The following LPP variants were observed in gnomAD, a reference collection of about 807,000 sequenced individuals.
The protein encoded by LPP is lipoma-preferred partner.
A neutral mutation model predicts 60.4 loss-of-function variants in LPP; 38 were observed. That is an observed-to-expected ratio of 0.63 (90% CI 0.49 to 0.83). LPP has a LOEUF of 0.83. LPP is among the 40% of genes least tolerant of loss of function. The pLI is 0.00. For synonymous variants in LPP, 328 were observed against 290.8 expected, an observed-to-expected ratio of 1.13 and a Z score of -1.30; for missense variants, 902 against 783.6, an observed-to-expected ratio of 1.15 and a Z score of -1.80.
At chr3:188,160,759 A>G (rs1718023561) in intron 1 of LPP, among the ~76,000 whole-genome samples, 1 of 152,228 alleles carries the variant, frequency 6.6e-6, no homozygotes, top group Admixed American at 6.5e-5. Flanking sequence ...ACTGGTTACA[A>G]AGAAAACTGA....
At chr3:188,589,462 C>T (rs775751784) in intron 6 of LPP, among the ~76,000 whole-genome samples, 2 of 152,068 alleles carry the variant, frequency 1.3e-5, no homozygotes, top group Non-Finnish European at 2.9e-5. Context: ...TATGTATAAG[C>T]GTATGGTTTA....
intron 6 of LPP, among the ~76,000 whole-genome samples, chr3:188,591,061 A>G (rs1448893113): frequency 6.6e-6 from 1 of 152,168 alleles, no homozygotes; most frequent in Non-Finnish European, 1.5e-5. Flanking sequence ...TTCACATAGG[A>G]GCCTCCACAG....
chr3:188,313,361 T>C (rs1478299646), intron 2 of LPP, among the ~76,000 whole-genome samples: 2 of 152,074 alleles, frequency 1.3e-5, no homozygotes, highest in Non-Finnish European at 2.9e-5. Flanking sequence ...TAGTTCTGGC[T>C]GGGCGTGGTG....
At position 188,792,616 on chromosome 3, in the gene LPP, T is replaced by G. The variant is rs370153413; in HGVS notation, c.1410+32334T>G. Among the ~76,000 whole-genome samples the G allele has an allele frequency of 8.5e-4, 129 of 151,852 alleles. 2 individuals carry two copies. Among genetic ancestry groups the G allele is most frequent in the African/African-American group, 2.9e-3 (122 of 41,478 alleles). ...GCCCACAGTTTTTTTGTTTTTTTGGTTTTTTTTCTAGGTGTAAACAAACCT... is the reference window on the plus strand; with the variant it reads ...GCCCACAGTTTTTTTGTTTTTTTGGGTTTTTTTCTAGGTGTAAACAAACCT... On this transcript the variant is annotated intron_variant, in intron 9 of 11. Transcript: ENST00000617246.
intron 3 of LPP, among the ~76,000 whole-genome samples, chr3:188,346,830 T>G (rs1231686258): frequency 2.0e-5 from 3 of 152,168 alleles, no homozygotes; most frequent in Non-Finnish European, 4.4e-5. Flanking sequence ...TACATTTCCT[T>G]TTGCTGTTGG....
intron 5 of LPP, among the ~76,000 whole-genome samples, chr3:188,512,592 T>TAA (rs1202000749): frequency 6.6e-6 from 1 of 151,516 alleles, no homozygotes; most frequent in Middle Eastern, 3.4e-3. Flanking sequence ...AATAAATAAA[T>TAA]AAAGTTCCCA....
chr3:188,604,006 T>C (rs1841941881), intron 6 of LPP, among the ~76,000 whole-genome samples: 1 of 152,194 alleles, frequency 6.6e-6, no homozygotes, highest in African/African-American at 2.4e-5. Context: ...TGATTTTGAA[T>C]TTCGTGCTGC....
intron 1 of LPP, among the ~76,000 whole-genome samples, chr3:188,213,295 A>C (rs1712044346): frequency 6.6e-6 from 1 of 152,188 alleles, no homozygotes; most frequent in African/African-American, 2.4e-5. Flanking sequence ...GTCACTGTGT[A>C]GATTTGATGA....
chr3:188,619,727 C>T (rs762284613), intron 7 of LPP, among the ~76,000 whole-genome samples: 1 of 152,130 alleles, frequency 6.6e-6, no homozygotes, highest in African/African-American at 2.4e-5. Context: ...ATGGGAAGAA[C>T]GTCATGAAAT....
intron 2 of LPP, among the ~76,000 whole-genome samples, chr3:188,230,363 A>G (rs1719441734): frequency 6.6e-6 from 1 of 152,176 alleles, no homozygotes; most frequent in Non-Finnish European, 1.5e-5. Context: ...GGATTACAAG[A>G]AACATATTAT....
intron 7 of LPP, among the ~76,000 whole-genome samples, chr3:188,632,435 G>A (rs1453616433): frequency 6.6e-6 from 1 of 152,202 alleles, no homozygotes; most frequent in Non-Finnish European, 1.5e-5. Flanking sequence ...CCAGTGTGCT[G>A]GTGCTGCACA....
intron 2 of LPP, among the ~76,000 whole-genome samples, chr3:188,233,573 A>C (rs1432612149): frequency 6.6e-6 from 1 of 152,212 alleles, no homozygotes; most frequent in Non-Finnish European, 1.5e-5. Context: ...TTTATAATAT[A>C]GTGTGAGATG....
intron 4 of LPP, among the ~76,000 whole-genome samples, chr3:188,440,988 A>G (rs1482912102): frequency 1.4e-5 from 2 of 147,708 alleles, no homozygotes; most frequent in Non-Finnish European, 3.0e-5. Context: ...TATACATCAG[A>G]TATATGGATT....
Position 188,760,439 on chromosome 3 carries a change from T to TGTGTGTGC in LPP, c.1410+158_1410+159insTGTGTGCG, listed in dbSNP as rs55988915. Reference sequence around the variant, plus strand: ...GTGTGTGTGTGTGTGTGTGTGTGCGTGCGCGCATGTAAATTAGCATATTGT... The same window carrying TGTGTGTGC: ...GTGTGTGTGTGTGTGTGTGTGTGCGTGTGTGTGCGCGCGCATGTAAATTAGCATATTGT... On this transcript the variant is annotated intron_variant, in intron 9 of 11. Coordinates refer to ENST00000617246, the MANE Select transcript of LPP (RefSeq NM_001375462.1). 4.7e-3 allele frequency among the ~76,000 whole-genome samples: 706 copies of TGTGTGTGC among 150,026 alleles called. 8 individuals carry two copies. Among genetic ancestry groups the TGTGTGTGC allele is most frequent in the African/African-American group, 0.016 (623 of 40,044 alleles).
chr3:188,636,539 T>A (rs976489177), intron 7 of LPP, among the ~76,000 whole-genome samples: 1 of 152,108 alleles, frequency 6.6e-6, no homozygotes, highest in Non-Finnish European at 1.5e-5. Context: ...AAGCTCGAAC[T>A]GGGGGGAGCC....
At chr3:188,205,482 G>T (rs961816150) in intron 1 of LPP, among the ~76,000 whole-genome samples, 1 of 151,782 alleles carries the variant, frequency 6.6e-6, no homozygotes, top group East Asian at 1.9e-4. Flanking sequence ...GGGTTTCACC[G>T]TGTTGGCCAG....
At chr3:188,685,506 T>C (rs1860511461) in intron 7 of LPP, among the ~76,000 whole-genome samples, 1 of 152,166 alleles carries the variant, frequency 6.6e-6, no homozygotes. Context: ...TTGAGCCCCA[T>C]GCCAAAGAGT....
intron 2 of LPP, among the ~76,000 whole-genome samples, chr3:188,339,868 T>G (rs1762588212): frequency 6.6e-6 from 1 of 152,228 alleles, no homozygotes; most frequent in Non-Finnish European, 1.5e-5. Context: ...ACTTTCCTGG[T>G]GAGATCTGAG....
At chr3:188,817,335 T>C (rs532878658) in intron 9 of LPP, among the ~76,000 whole-genome samples, 30 of 152,266 alleles carry the variant, frequency 2.0e-4, no homozygotes, top group East Asian at 1.5e-3. Flanking sequence ...CAGTGTGTAG[T>C]AGTGGGCAGT....
Sources: allele counts gnomAD v4.1 joint callset (sites outside exome capture counted in the v4.1 genomes callset), GRCh38; gene constraint gnomAD v4.1.1; transcripts MANE v1.5; gene names NCBI Gene and HGNC (gene_info 2026-07-23, HGNC 2026-07-21).